RPS6KA1: variants seen among roughly 807,000 people sequenced by gnomAD.
The protein encoded by RPS6KA1 is ribosomal protein S6 kinase A1, also known as ribosomal protein S6 kinase alpha-1.
A neutral mutation model predicts 91.3 loss-of-function variants in RPS6KA1; 48 were observed. The observed-to-expected ratio is 0.53, with a 90% CI of 0.42 to 0.67. The LOEUF is 0.67. RPS6KA1 is among the 30% of genes least tolerant of loss of function. RPS6KA1 has a pLI of 0.00. For missense variants in RPS6KA1, 719 were observed against 960.5 expected, an observed-to-expected ratio of 0.75 and a Z score of 3.32; for synonymous variants, 359 against 384.7, an observed-to-expected ratio of 0.93 and a Z score of 0.78.
At position 26,550,722 on chromosome 1, in the gene RPS6KA1, G is replaced by A. The variant is rs141114873; in HGVS notation, c.308-675G>A. ...CTGAAAAAGAGAAAAGTGCTCCAAA[G>A]GAGAAGCACAAGCACTGTAGGAATC... On this transcript the variant is annotated intron_variant, in intron 4 of 21. Coordinates refer to ENST00000374168, the MANE Select transcript of RPS6KA1 (RefSeq NM_002953.4). Among the ~76,000 whole-genome samples the A allele has an allele frequency of 2.5e-3, 385 of 152,322 alleles. 7 individuals carry two copies. Among genetic ancestry groups the A allele is most frequent in the African/African-American group, 8.8e-3 (366 of 41,566 alleles).
Position 26,554,707 on chromosome 1 carries a change from G to A in RPS6KA1, c.725G>A (p.Ser242Asn). Residue 242 changes from serine to asparagine, a missense_variant, in exon 9 of 22, where the codon AGT becomes AAT. This residue lies in a region of RPS6KA1 where 159 missense variants were observed against 264.5 expected (regional missense o/e 0.60). Transcript: ENST00000374168. The surrounding 1 kb of genome is among the most constrained non-coding windows in gnomAD (Gnocchi z 4.6). ...GTCAACCGCCAGGGCCACTCCCATA[G>A]TGCGGACTGGTGGTCCTATGGGGTG... ...EVVNRQGHSH[S>N]ADWWSYGVLM... is the part of the protein sequence containing the mutation. 1 of 1,610,696 alleles carries A rather than the reference G, an allele frequency of 6.2e-7. No homozygotes were observed. Among genetic ancestry groups the A allele is most frequent in the Non-Finnish European group, 8.5e-7 (1 of 1,177,368 alleles).
chr1:26,554,364 T>C lies in RPS6KA1; in HGVS notation c.613+113T>C, dbSNP rs144016158. 8.0e-7 allele frequency: 1 copy of C among 1,247,490 alleles called. No individual in the cohort carries two copies. The highest frequency in any genetic ancestry group is 1.5e-5 in the African/African-American group (1 of 66,340). 77.3% of individuals were successfully genotyped at this position (1,247,490 alleles called of 1,614,324 possible). A position where few individuals can be genotyped will look rare whatever the true frequency, so the allele number is the denominator to read the frequency against. On this transcript the variant is annotated intron_variant, in intron 8 of 21. Transcript: ENST00000374168. The surrounding 1 kb of genome is among the most constrained non-coding windows in gnomAD (Gnocchi z 4.6). Reference sequence around the variant, plus strand: ...CTTCCCGAGAAGCCGTGCCAGTTACTTGGAAGTGGTCAAAAACTCAGGCCT... The same window carrying C: ...CTTCCCGAGAAGCCGTGCCAGTTACCTGGAAGTGGTCAAAAACTCAGGCCT...
chr1:26,561,924 C>A lies in RPS6KA1; in HGVS notation c.1590+261C>A, dbSNP rs556814795. ...TTAGCATAAGATGAAGTTTCCAGAC[C>A]AGGCATGGTAGCTCACGCCTGTAAT... On this transcript the variant is annotated intron_variant, in intron 17 of 21. Coordinates refer to ENST00000374168, the MANE Select transcript of RPS6KA1 (RefSeq NM_002953.4). The surrounding 1 kb of genome is among the most constrained non-coding windows in gnomAD (Gnocchi z 5.7). Among the ~76,000 whole-genome samples, 16 of 152,176 alleles carry A rather than the reference C, an allele frequency of 1.1e-4. No individual in the cohort carries two copies. The highest frequency in any genetic ancestry group is 2.0e-4 in the Admixed American group (3 of 15,278).
At position 26,551,340 on chromosome 1, in the gene RPS6KA1, G is replaced by A. The variant is rs932881969; in HGVS notation, c.308-57G>A. 4.1e-6 allele frequency: 6 copies of A among 1,472,312 alleles called. No individual in the cohort carries two copies. Among genetic ancestry groups the A allele is most frequent in the Non-Finnish European group, 5.7e-6 (6 of 1,052,664 alleles). 91.2% of individuals were successfully genotyped at this position (1,472,312 alleles called of 1,614,324 possible). ...AAAAGAGATCCCTTAGCGGGGGCTT[G>A]GGAGTGGCTGTGTTGAGTGTCTAGG... is the stretch of plus-strand genomic sequence containing the variant. On this transcript the variant is annotated intron_variant, in intron 4 of 21. Transcript: ENST00000374168. This position sits in a 1 kb window ranked among gnomAD's most constrained non-coding sequence, Gnocchi z 4.5.
At position 26,551,360 on chromosome 1, in the gene RPS6KA1, T is replaced by A. The variant is rs2076048067; in HGVS notation, c.308-37T>A. ...GGCTTGGGAGTGGCTGTGTTGAGTG[T>A]CTAGGCTACTGGTGACTTCCTTTCT... On this transcript the variant is annotated intron_variant, in intron 4 of 21. Transcript: ENST00000374168. The surrounding 1 kb of genome is among the most constrained non-coding windows in gnomAD (Gnocchi z 4.5). 1 of 1,592,994 alleles carries A rather than the reference T, an allele frequency of 6.3e-7. No homozygotes were observed. The highest frequency in any genetic ancestry group is 1.1e-5 in the South Asian group (1 of 90,640).
chr1:26,558,694 C>A lies in RPS6KA1; in HGVS notation c.1085-113C>A. The stretch of plus-strand genomic sequence containing the variant: ...GGACAGGCCCTCTGCAGGCTCCCGC[C>A]ACGGCCAGCCCCTGAGGCAGGTCTG... On this transcript the variant is annotated intron_variant, in intron 13 of 21. Transcript: ENST00000374168. This position sits in a 1 kb window ranked among gnomAD's most constrained non-coding sequence, Gnocchi z 4.0. The A allele has an allele frequency of 1.5e-6, 2 of 1,311,930 alleles. No homozygotes were observed. Among genetic ancestry groups the A allele is most frequent in the Non-Finnish European group, 2.1e-6 (2 of 947,216 alleles). The allele number at this position is 1,311,930 out of a possible 1,614,324, so 81.3% of individuals were successfully genotyped here.
chr1:26,554,263 G>A lies in RPS6KA1; in HGVS notation c.613+12G>A. ...CATCAAACTCACTGGTGAGTGGAGGGCGCCTGCCCCCTCGGGACCCAGGGG... is the reference window on the plus strand; with the variant it reads ...CATCAAACTCACTGGTGAGTGGAGGACGCCTGCCCCCTCGGGACCCAGGGG... On this transcript the variant is annotated intron_variant, in intron 8 of 21. Coordinates refer to ENST00000374168, the MANE Select transcript of RPS6KA1 (RefSeq NM_002953.4). The surrounding 1 kb of genome is among the most constrained non-coding windows in gnomAD (Gnocchi z 4.6). The A allele has an allele frequency of 1.3e-6, 2 of 1,556,838 alleles. No homozygotes were observed. Among genetic ancestry groups the A allele is most frequent in the Non-Finnish European group, 1.7e-6 (2 of 1,149,824 alleles).
In RPS6KA1 at chr1:26,554,229, G is replaced by C; in HGVS notation, c.591G>C (p.Glu197Asp). 6.4e-7 allele frequency: 1 copy of C among 1,556,534 alleles called. No homozygotes were observed. The highest frequency in any genetic ancestry group is 1.2e-5 in the South Asian group (1 of 84,330). The change falls in exon 8 of 22, where the codon GAG becomes GAC. Residue 197 changes from glutamate to aspartate, a missense_variant. Around this residue, in one of 5 missense-constraint regions of RPS6KA1, gnomAD observed 159 missense variants for 264.5 expected, o/e 0.60. Coordinates refer to ENST00000374168, the MANE Select transcript of RPS6KA1 (RefSeq NM_002953.4). This position sits in a 1 kb window ranked among gnomAD's most constrained non-coding sequence, Gnocchi z 4.6. ...DLKPENILLD[E>D]EGHIKLTDFG... Reference sequence around the variant, plus strand: ...TCTATTACAGCATCCTTCTGGATGAGGAGGGCCACATCAAACTCACTGGTG... The same window carrying C: ...TCTATTACAGCATCCTTCTGGATGACGAGGGCCACATCAAACTCACTGGTG...
Position 26,554,318 on chromosome 1 carries a change from G to T in RPS6KA1, c.613+67G>T. ...CAGGACAAGGTCATGATAGGTCTCG[G>T]CTGAGTGCTGGGGGCTCATTCTTCC... is the stretch of plus-strand genomic sequence containing the variant. On this transcript the variant is annotated intron_variant, in intron 8 of 21. Coordinates refer to ENST00000374168, the MANE Select transcript of RPS6KA1 (RefSeq NM_002953.4). This position sits in a 1 kb window ranked among gnomAD's most constrained non-coding sequence, Gnocchi z 4.6. 6.7e-7 allele frequency: 1 copy of T among 1,483,256 alleles called. No individual in the cohort carries two copies. 91.9% of individuals were successfully genotyped at this position (1,483,256 alleles called of 1,614,324 possible).
At chr1:26,548,319 G>A (rs1022013508) in intron 4 of RPS6KA1, among the ~76,000 whole-genome samples, 1 of 152,074 alleles carries the variant, frequency 6.6e-6, no homozygotes, top group East Asian at 1.9e-4. Context: ...GTGGATATCC[G>A]ACGCGCTGGG....
Position 26,561,632 on chromosome 1 carries a change from G to A in RPS6KA1, c.1559G>A (p.Gly520Asp). The A allele has an allele frequency of 6.2e-7, 1 of 1,612,404 alleles. No homozygotes were observed. The highest frequency in any genetic ancestry group is 8.5e-7 in the Non-Finnish European group (1 of 1,179,068). Residue 520 changes from glycine to aspartate, a missense_variant, in exon 17 of 22, where the codon GGC (glycine) becomes GAC (aspartate). By Grantham distance (94) the Gly-to-Asp change is moderately conservative. Coordinates refer to ENST00000374168, the MANE Select transcript of RPS6KA1 (RefSeq NM_002953.4). This position sits in a 1 kb window ranked among gnomAD's most constrained non-coding sequence, Gnocchi z 5.7. Reference protein sequence around the residue: ...REASFVLHTIGKTVEYLHSQG... With the variant: ...REASFVLHTIDKTVEYLHSQG... ...GCCAGCTTTGTCCTGCACACCATTGGCAAAACTGTGGAGTATCTGCACTCA... is the reference window on the plus strand; with the variant it reads ...GCCAGCTTTGTCCTGCACACCATTGACAAAACTGTGGAGTATCTGCACTCA...
Position 26,574,168 on chromosome 1 carries a change from G to A in RPS6KA1, c.2175G>A (p.Arg725=). Residue 725 remains arginine, a synonymous_variant, in exon 22 of 22, where the codon CGG becomes CGA. Transcript: ENST00000374168. This position sits in a 1 kb window ranked among gnomAD's most constrained non-coding sequence, Gnocchi z 4.3. ...KPIESSILAQ[R]RVRKLPSTTL is the part of the protein sequence containing the mutation. Reference sequence around the variant, plus strand: ...TCGAGTCATCCATCCTGGCCCAGCGGCGAGTGAGGAAGTTGCCATCCACCA... The same window carrying A: ...TCGAGTCATCCATCCTGGCCCAGCGACGAGTGAGGAAGTTGCCATCCACCA... 6.2e-7 allele frequency: 1 copy of A among 1,614,112 alleles called. No individual in the cohort carries two copies. The highest frequency in any genetic ancestry group is 8.5e-7 in the Non-Finnish European group (1 of 1,180,022).
chr1:26,559,054 G>T, intron 14 of RPS6KA1, 117 bp downstream of exon 14: 4 of 1,270,774 alleles, frequency 3.1e-6, no homozygotes, highest in Non-Finnish European at 4.3e-6. Flanking sequence ...GGACCAGTAG[G>T]GCCTCCAACA....
chr1:26,573,303 C>T lies in RPS6KA1; in HGVS notation c.2027C>T (p.Thr676Ile). 5 of 1,614,206 alleles carry T rather than the reference C, an allele frequency of 3.1e-6. No homozygotes were observed. The highest frequency in any genetic ancestry group is 4.2e-6 in the Non-Finnish European group (5 of 1,180,032). Residue 676 changes from threonine (T) to isoleucine (I), a missense_variant, in exon 21 of 22, where the codon ACC becomes ATC. Physicochemically the swap from Thr to Ile is moderately conservative, Grantham distance 89 (BLOSUM62 -1). This residue lies in a region of RPS6KA1 where 249 missense variants were observed against 323.1 expected (regional missense o/e 0.77). Coordinates refer to ENST00000374168, the MANE Select transcript of RPS6KA1 (RefSeq NM_002953.4). ...AKQVLQHPWV[T>I]QKDKLPQSQL... Reference sequence around the variant, plus strand: ...CAGGTTCTGCAGCATCCATGGGTCACCCAGAAAGACAAGCTTCCCCAAAGC... The same window carrying T: ...CAGGTTCTGCAGCATCCATGGGTCATCCAGAAAGACAAGCTTCCCCAAAGC...
chr1:26,533,337 C>T (rs1458820353), intron 1 of RPS6KA1, among the ~76,000 whole-genome samples: 1 of 152,138 alleles, frequency 6.6e-6, no homozygotes, highest in Admixed American at 6.5e-5. Flanking sequence ...TCTGTGAGGC[C>T]TCTTGGCCTC....
At chr1:26,545,820 A>G (rs1045434475) in intron 2 of RPS6KA1, 69 of 1,440,162 alleles carry the variant, frequency 4.8e-5, no homozygotes, top group Non-Finnish European at 6.0e-5. Context: ...TACCCTGCAC[A>G]TCCGCCTTGG....
chr1:26,558,819 TCC>T lies in RPS6KA1; in HGVS notation c.1103_1104del (p.Pro368GlnfsTer47). The T allele has an allele frequency of 6.2e-7, 1 of 1,607,186 alleles. No individual in the cohort carries two copies. The highest frequency in any genetic ancestry group is 8.5e-7 in the Non-Finnish European group (1 of 1,174,924). On this transcript the variant is annotated frameshift_variant, in exon 14 of 22. Transcript: ENST00000374168. LOFTEE classifies it high-confidence loss of function. The surrounding 1 kb of genome is among the most constrained non-coding windows in gnomAD (Gnocchi z 4.0). ...TCCATCCGTACAGATTCCCCAGGCATCCCCCCCAGCGCTGGGGCCCATCAGCT... is the reference window on the plus strand; with the variant it reads ...TCCATCCGTACAGATTCCCCAGGCATCCCCCAGCGCTGGGGCCCATCAGCT...
At chr1:26,573,528 T>G (rs541994944) in intron 21 of RPS6KA1, among the ~76,000 whole-genome samples, 167 bp downstream of exon 21, 1 of 152,296 alleles carries the variant, frequency 6.6e-6, no homozygotes, top group Admixed American at 6.5e-5. Context: ...CATGCTACAG[T>G]GTCACGGTGC....
chr1:26,549,859 G>A (rs1247273785), intron 4 of RPS6KA1, among the ~76,000 whole-genome samples: 1 of 150,642 alleles, frequency 6.6e-6, no homozygotes, highest in Non-Finnish European at 1.5e-5. Context: ...ATGCCACCAC[G>A]CCTGGCTAAT....
Sources: gnomAD v4.1 joint callset for allele counts (sites outside exome capture counted in the v4.1 genomes callset) on GRCh38, gnomAD v4.1.1 for gene constraint, gnomAD v4.1.1 regional missense constraint, Gnocchi (gnomAD v3.1) non-coding constraint, MANE v1.5 for transcripts, NCBI Gene and HGNC (gene_info 2026-07-23, HGNC 2026-07-21) for gene names.